Variants in ARSB observed in about 807,000 individuals in gnomAD.
The protein encoded by ARSB is arylsulfatase B.
ARSB carries 41 observed loss-of-function variants against 50.9 expected under a neutral mutation model. The observed-to-expected ratio is 0.81, with a 90% CI of 0.63 to 1.04. ARSB has a LOEUF of 1.04. Among genes scored for constraint, ARSB ranks in the 50% least tolerant of loss-of-function variants. ARSB has a pLI of 0.00. For missense variants in ARSB, 672 were observed against 693.3 expected (o/e 0.97, Z 0.35); for synonymous variants, 269 against 284.8 (o/e 0.94, Z 0.56).
chr5:78,851,991 T>C (rs1745821771), intron 5 of ARSB, among the ~76,000 whole-genome samples: 1 of 152,106 alleles, frequency 6.6e-6, no homozygotes, highest in Non-Finnish European at 1.5e-5. Context: ...TACAGCACAC[T>C]AATGGGTCTT....
chr5:78,928,405 TC>T (rs1229478576), intron 4 of ARSB, among the ~76,000 whole-genome samples: 16 of 124,116 alleles, frequency 1.3e-4, no homozygotes, highest in African/African-American at 4.8e-4. Flanking sequence ...AATCTCCGCC[TC>T]CCAGGTTCAA....
intron 3 of ARSB, among the ~76,000 whole-genome samples, chr5:78,961,819 G>A (rs1751997326): frequency 6.6e-6 from 1 of 151,924 alleles, no homozygotes; most frequent in Non-Finnish European, 1.5e-5. Context: ...TCCGAGAATG[G>A]CTGTCACTGC....
chr5:78,799,798 C>T (rs1309466388), intron 6 of ARSB, among the ~76,000 whole-genome samples: 1 of 152,184 alleles, frequency 6.6e-6, no homozygotes, highest in Admixed American at 6.5e-5. Context: ...GATTTTGAAG[C>T]TTTGGCTGGT....
chr5:78,980,570 A>G (rs1752855618), intron 1 of ARSB, among the ~76,000 whole-genome samples: 1 of 152,256 alleles, frequency 6.6e-6, no homozygotes, highest in African/African-American at 2.4e-5. Flanking sequence ...GAATGATTGC[A>G]AATGTTAAGT....
intron 5 of ARSB, among the ~76,000 whole-genome samples, chr5:78,866,118 T>C (rs1224871287): frequency 6.6e-6 from 1 of 152,146 alleles, no homozygotes; most frequent in African/African-American, 2.4e-5. Context: ...CAATTTACTG[T>C]ATTACTCTGT....
chr5:78,841,308 T>C (rs1229685731), intron 5 of ARSB, among the ~76,000 whole-genome samples: 2 of 152,110 alleles, frequency 1.3e-5, no homozygotes, highest in Non-Finnish European at 2.9e-5. Flanking sequence ...CCAGCCTAGA[T>C]GACAAAGTGA....
At chr5:78,819,376 G>A (rs1744123691) in intron 6 of ARSB, among the ~76,000 whole-genome samples, 1 of 152,246 alleles carries the variant, frequency 6.6e-6, no homozygotes, top group East Asian at 1.9e-4. Flanking sequence ...TGCAGTTGCT[G>A]TTTCAAGGCA....
chr5:78,787,623 A>G (rs1266352959), intron 6 of ARSB, among the ~76,000 whole-genome samples: 2 of 152,346 alleles, frequency 1.3e-5, no homozygotes, highest in East Asian at 3.8e-4. Context: ...AAGCCAAGAT[A>G]TTTGGTGACA....
At chr5:78,910,464 ACAT>A (rs1386412003) in intron 4 of ARSB, among the ~76,000 whole-genome samples, 1 of 152,232 alleles carries the variant, frequency 6.6e-6, no homozygotes, top group Non-Finnish European at 1.5e-5. Flanking sequence ...TTGTTACATC[ACAT>A]CATAATACAT....
At chr5:78,934,843 T>G (rs1305208444) in intron 4 of ARSB, among the ~76,000 whole-genome samples, 1 of 151,928 alleles carries the variant, frequency 6.6e-6, no homozygotes, top group Admixed American at 6.6e-5. Flanking sequence ...ATGTGGTAGA[T>G]AGATAACTTT....
intron 6 of ARSB, among the ~76,000 whole-genome samples, chr5:78,811,825 A>G (rs1490173667): frequency 6.6e-6 from 1 of 152,192 alleles, no homozygotes; most frequent in African/African-American, 2.4e-5. Flanking sequence ...TCCTTCCCAT[A>G]TTTTTTCCCT....
intron 5 of ARSB, among the ~76,000 whole-genome samples, chr5:78,848,314 G>A (rs1469662448): frequency 1.6e-4 from 13 of 80,196 alleles, no homozygotes; most frequent in African/African-American, 4.8e-4. Context: ...GAGAACATGC[G>A]GTGTTTGGTT....
chr5:78,955,381 G>C lies in ARSB; in HGVS notation c.812C>G (p.Ser271Cys), dbSNP rs778728769. ...ATTTCCTACTGCTTCATCCATAAGG[G>C]ACACCATTCCTGCATAGTGATGCCT... ...KNRHHYAGMV[S>C]LMDEAVGNVT... Residue 271 changes from serine (S) to cysteine (C), a missense_variant, in exon 4 of 8, where the codon TCC becomes TGC. Ser to Cys is a moderately radical substitution (Grantham distance 112). Transcript: ENST00000264914. The C allele has an allele frequency of 1.9e-6, 3 of 1,614,162 alleles. No individual in the cohort carries two copies. The highest frequency in any genetic ancestry group is 2.5e-6 in the Non-Finnish European group (3 of 1,180,014).
chr5:78,830,497 G>A (rs1358193179), intron 6 of ARSB, among the ~76,000 whole-genome samples: 1 of 152,160 alleles, frequency 6.6e-6, no homozygotes, highest in African/African-American at 2.4e-5. Context: ...CCAGTGGTGA[G>A]AGTTAATTAG....
rs969231209 is a variant in ARSB, at chr5:78,984,990, TGTA to T, written c.256_258del (p.Tyr86del). 6.5e-7 allele frequency: 1 copy of T among 1,533,504 alleles called. No homozygotes were observed. Among genetic ancestry groups the T allele is most frequent in the African/African-American group, 1.4e-5 (1 of 69,894 alleles). The allele number at this position is 1,533,504 out of a possible 1,614,324, so 95.0% of individuals were successfully genotyped here. A position where few individuals can be genotyped will look rare whatever the true frequency, so the allele number is the denominator to read the frequency against. On this transcript the variant is annotated inframe_deletion, in exon 1 of 8. Coordinates refer to ENST00000264914, the MANE Select transcript of ARSB (RefSeq NM_000046.5). The stretch of plus-strand genomic sequence containing the variant: ...CGCGACGGCGTGCACAGCGGCTGCG[TGTA>T]GTAGTTGTCCAGGAGCACCCCGCCG...
intron 5 of ARSB, among the ~76,000 whole-genome samples, chr5:78,852,547 T>G (rs1023252493): frequency 3.9e-5 from 6 of 152,176 alleles, no homozygotes; most frequent in Non-Finnish European, 8.8e-5. Flanking sequence ...GGAGTTGCTC[T>G]TCTCGAGGAG....
chr5:78,922,672 AG>A (rs1412868821), intron 4 of ARSB, among the ~76,000 whole-genome samples: 12 of 150,272 alleles, frequency 8.0e-5, no homozygotes, highest in Middle Eastern at 3.5e-3. Context: ...AGAAAAGGAG[AG>A]GGAATTGTAA....
In ARSB at chr5:78,815,595, T is replaced by G. The variant is rs928675735; in HGVS notation, c.1213+23761A>C. 9.9e-5 allele frequency: 98 copies of G among 985,812 alleles called. 1 individual carries two copies. In the Middle Eastern group the frequency reaches 1.5e-3, roughly 16 times the overall value. The allele number at this position is 985,812 out of a possible 1,614,324, so 61.1% of individuals were successfully genotyped here. A position where few individuals can be genotyped will look rare whatever the true frequency, so the allele number is the denominator to read the frequency against. ...TTTCCTGAAGATGGCTTTTCAAAAT[T>G]TCTGTTTTTAGCTGACTTCACTCTT... is the stretch of plus-strand genomic sequence containing the variant. On this transcript the variant is annotated intron_variant, in intron 6 of 7. Transcript: ENST00000264914.
At chr5:78,850,135 G>A (rs1319580541) in intron 5 of ARSB, among the ~76,000 whole-genome samples, 1 of 152,062 alleles carries the variant, frequency 6.6e-6, no homozygotes, top group African/African-American at 2.4e-5. Flanking sequence ...TCCCTGTCTT[G>A]TGCCAGTTTT....
Sources: allele counts gnomAD v4.1 joint callset (sites outside exome capture counted in the v4.1 genomes callset), GRCh38; gene constraint gnomAD v4.1.1; transcripts MANE v1.5; gene names NCBI Gene and HGNC (gene_info 2026-07-23, HGNC 2026-07-21).